The following GGA1 variants were observed in gnomAD, a reference collection of about 807,000 sequenced individuals.
GGA1 encodes golgi associated, gamma adaptin ear containing, ARF binding protein 1.
Under a neutral mutation model 76.9 loss-of-function variants are expected in GGA1, and 18 were observed. The observed-to-expected ratio is 0.23, with a 90% confidence interval of 0.16 to 0.35. The LOEUF is 0.35. GGA1 is among the 10% of genes least tolerant of loss of function. The probability of loss-of-function intolerance (pLI) is 1.00; values close to 1 mark genes in which losing one functional copy is unlikely to be tolerated. For missense variants in GGA1, 755 were observed against 859.0 expected, an observed-to-expected ratio of 0.88 and a Z score of 1.51; for synonymous variants, 342 against 354.7, an observed-to-expected ratio of 0.96 and a Z score of 0.40.
intron 3 of GGA1, 83 bp from the exon 4 acceptor site, chr22:37,618,365 C>T (rs948025856): frequency 2.6e-6 from 2 of 768,328 alleles, no homozygotes; most frequent in Middle Eastern, 2.8e-4. Flanking sequence ...CCATGGGCTT[C>T]TGGCCCCTGT....
Position 37,632,183 on chromosome 22 carries a change from C to T in GGA1, c.1698+18C>T. On this transcript the variant is annotated intron_variant, in intron 15 of 16. Coordinates refer to ENST00000343632, the MANE Select transcript of GGA1 (RefSeq NM_013365.5). This position sits in a 1 kb window ranked among gnomAD's most constrained non-coding sequence, Gnocchi z 5.1. ...TCCCCAAGGTGACAAGCCAGTCGGA[C>T]AGGGCATGCCTCCCTCCTCTCAAGG... The T allele has an allele frequency of 6.3e-7, 1 of 1,596,194 alleles. No individual in the cohort carries two copies. The highest frequency in any genetic ancestry group is 1.3e-5 in the African/African-American group (1 of 74,792).
intron 4 of GGA1, 56 bp downstream of exon 4, chr22:37,618,602 G>T: frequency 9.1e-7 from 1 of 1,093,118 alleles, no homozygotes; most frequent in Non-Finnish European, 1.4e-6. Flanking sequence ...GGAGAGGAAA[G>T]AGGACCTTCA....
chr22:37,619,016 G>A (rs1023785464), intron 4 of GGA1, among the ~76,000 whole-genome samples: 1 of 152,150 alleles, frequency 6.6e-6, no homozygotes, highest in Admixed American at 6.5e-5. Flanking sequence ...GCTCCAGACG[G>A]GCCATCCCCG....
rs758099937 is a variant in GGA1, at chr22:37,620,330, C to T, written c.396C>T (p.Ile132=). ...WTVGLPEEVK[I]AEAYQMLKKQ... ...TGGGCCTGCCCGAGGAGGTGAAAAT[C>T]GCAGAGGCCTACCAGATGCTAAAGA... The change falls in exon 5 of 17, where the codon ATC becomes ATT. Residue 132 remains isoleucine (I), a synonymous_variant. Transcript: ENST00000343632. The T allele has an allele frequency of 1.2e-5, 20 of 1,613,830 alleles. No individual in the cohort carries two copies. The highest frequency in any genetic ancestry group is 2.2e-5 in the South Asian group (2 of 91,084).
intron 1 of GGA1, among the ~76,000 whole-genome samples, chr22:37,609,764 C>G (rs1488992383): frequency 1.3e-5 from 2 of 152,194 alleles, no homozygotes; most frequent in East Asian, 3.8e-4. Context: ...GCTGGCTTCT[C>G]CCTGGTCTAG....
intron 3 of GGA1, chr22:37,617,430 AG>A (rs1362415570): frequency 9.5e-6 from 10 of 1,047,740 alleles, no homozygotes; most frequent in Non-Finnish European, 1.1e-5. Flanking sequence ...GTTCAATAGC[AG>A]AGGAGAGAGG....
In GGA1 at chr22:37,632,271, G is replaced by T; in HGVS notation, c.1698+106G>T. On this transcript the variant is annotated intron_variant, in intron 15 of 16. Coordinates refer to ENST00000343632, the MANE Select transcript of GGA1 (RefSeq NM_013365.5). This position sits in a 1 kb window ranked among gnomAD's most constrained non-coding sequence, Gnocchi z 5.1. The stretch of plus-strand genomic sequence containing the variant: ...GGGGGCAGGTCTCCCTCCCTTGCTG[G>T]GTGGTTGGTGTAGAAGGGACCAGAA... 7.5e-7 allele frequency: 1 copy of T among 1,335,130 alleles called. No individual in the cohort carries two copies. The highest frequency in any genetic ancestry group is 1.4e-5 in the African/African-American group (1 of 69,646). 82.7% of individuals were successfully genotyped at this position (1,335,130 alleles called of 1,614,324 possible). A position where few individuals can be genotyped will look rare whatever the true frequency, so the allele number is the denominator to read the frequency against.
At position 37,625,946 on chromosome 22, in the gene GGA1, C is replaced by T. The variant is rs1169828129; in HGVS notation, c.1090C>T (p.Leu364=). 6.3e-7 allele frequency: 1 copy of T among 1,591,814 alleles called. No homozygotes were observed. Among genetic ancestry groups the T allele is most frequent in the Non-Finnish European group, 8.5e-7 (1 of 1,170,270 alleles). The part of the protein sequence containing the change: ...VSLLDDELMS[L]GLSDPTPPSG... ...CCTGCTTGACGACGAGCTCATGTCT[C>T]TGGGTGAGGAAGGGGCCAGGCCTGG... The change falls in exon 11 of 17, where the codon CTG becomes TTG. Residue 364 remains leucine, a synonymous_variant. Coordinates refer to ENST00000343632, the MANE Select transcript of GGA1 (RefSeq NM_013365.5). This position sits in a 1 kb window ranked among gnomAD's most constrained non-coding sequence, Gnocchi z 4.1.
In GGA1 at chr22:37,623,712, A is replaced by G; in HGVS notation, c.832+79A>G. ...GCCCCCACCTCCCCCAGGCCCTGCT[A>G]AGTATCTGCAGTTGGAAGGAGCCAC... On this transcript the variant is annotated intron_variant, in intron 9 of 16. Coordinates refer to ENST00000343632, the MANE Select transcript of GGA1 (RefSeq NM_013365.5). This position sits in a 1 kb window ranked among gnomAD's most constrained non-coding sequence, Gnocchi z 4.6. The G allele has an allele frequency of 2.0e-6, 2 of 1,009,418 alleles. No homozygotes were observed. Among genetic ancestry groups the G allele is most frequent in the South Asian group, 1.4e-5 (1 of 69,644 alleles). 62.5% of individuals were successfully genotyped at this position (1,009,418 alleles called of 1,614,324 possible). A position where few individuals can be genotyped will look rare whatever the true frequency, so the allele number is the denominator to read the frequency against.
chr22:37,616,240 G>A (rs1298718028), intron 2 of GGA1, among the ~76,000 whole-genome samples: 1 of 152,174 alleles, frequency 6.6e-6, no homozygotes, highest in East Asian at 1.9e-4. Context: ...TTGGGTACGA[G>A]TCCTGTCCCC....
In GGA1 at chr22:37,632,075, G is replaced by A. The variant is rs1033807612; in HGVS notation, c.1608G>A (p.Gly536=). The change falls in exon 15 of 17, where the codon GGG becomes GGA. Residue 536 remains glycine (G), a synonymous_variant. Coordinates refer to ENST00000343632, the MANE Select transcript of GGA1 (RefSeq NM_013365.5). This position sits in a 1 kb window ranked among gnomAD's most constrained non-coding sequence, Gnocchi z 5.1. ...ATTTTGCCCGGGACCCACTGCCAGG[G>A]CGCTCCGACGTGCTGGTGGTGGTGG... ...LFHFARDPLP[G]RSDVLVVVVS... 6.2e-7 allele frequency: 1 copy of A among 1,613,740 alleles called. No homozygotes were observed. Among genetic ancestry groups the A allele is most frequent in the East Asian group, 2.2e-5 (1 of 44,874 alleles).
Position 37,632,080 on chromosome 22 carries a change from C to G in GGA1, c.1613C>G (p.Ser538Cys). Residue 538 changes from serine to cysteine, a missense_variant, in exon 15 of 17, where the codon TCC becomes TGC. Physicochemically the swap from Ser to Cys is moderately radical, Grantham distance 112. Coordinates refer to ENST00000343632, the MANE Select transcript of GGA1 (RefSeq NM_013365.5). This position sits in a 1 kb window ranked among gnomAD's most constrained non-coding sequence, Gnocchi z 5.1. ...GCCCGGGACCCACTGCCAGGGCGCT[C>G]CGACGTGCTGGTGGTGGTGGTTTCC... ...HFARDPLPGR[S>C]DVLVVVVSML... 1 of 1,613,758 alleles carries G rather than the reference C, an allele frequency of 6.2e-7. No homozygotes were observed.
At chr22:37,612,990 C>T in intron 1 of GGA1, 1 of 985,432 alleles carries the variant, frequency 1.0e-6, no homozygotes, top group Non-Finnish European at 1.2e-6. Context: ...CACCCTTTGC[C>T]TGCCCTCAGC....
intron 7 of GGA1, 78 bp downstream of exon 7, chr22:37,621,774 A>C: frequency 2.2e-6 from 2 of 915,704 alleles, no homozygotes; most frequent in East Asian, 5.4e-5. Flanking sequence ...GGCTGTATGC[A>C]TCTTCACATG....
chr22:37,626,582 A>T (rs1356790267), intron 11 of GGA1: 1 of 152,270 alleles, frequency 6.6e-6, no homozygotes, highest in Admixed American at 6.6e-5. Flanking sequence ...CCTGAGAGCC[A>T]CTGAAGGGAT....
chr22:37,611,632 G>T (rs889594105), intron 1 of GGA1, among the ~76,000 whole-genome samples: 1 of 152,168 alleles, frequency 6.6e-6, no homozygotes, highest in Non-Finnish European at 1.5e-5. Context: ...ATAACATATG[G>T]CCCAGGGCAG....
Position 37,625,458 on chromosome 22 carries a change from TG to T in GGA1, c.941-333del, listed in dbSNP as rs532166783. ...TCTAATAAGGGTAAGATGGCAGCCTTGGGGGGTCACAAAAGGGGTTAGAATT... is the reference window on the plus strand; with the variant it reads ...TCTAATAAGGGTAAGATGGCAGCCTTGGGGGTCACAAAAGGGGTTAGAATT... On this transcript the variant is annotated intron_variant, in intron 10 of 16. Coordinates refer to ENST00000343632, the MANE Select transcript of GGA1 (RefSeq NM_013365.5). The surrounding 1 kb of genome is among the most constrained non-coding windows in gnomAD (Gnocchi z 4.1). 6.6e-6 allele frequency among the ~76,000 whole-genome samples: 1 copy of T among 151,782 alleles called. No homozygotes were observed. The highest frequency in any genetic ancestry group is 6.6e-5 in the Admixed American group (1 of 15,252).
In GGA1 at chr22:37,632,563, C is replaced by T; in HGVS notation, c.1810-38C>T. ...TGCAGGGTGGGGACGGCCACTTCTC[C>T]TCCTCTGACCCCTCTGCCTTTGCCA... On this transcript the variant is annotated intron_variant, in intron 16 of 16. Coordinates refer to ENST00000343632, the MANE Select transcript of GGA1 (RefSeq NM_013365.5). This position sits in a 1 kb window ranked among gnomAD's most constrained non-coding sequence, Gnocchi z 5.1. 1 of 1,583,854 alleles carries T rather than the reference C, an allele frequency of 6.3e-7. No homozygotes were observed. The highest frequency in any genetic ancestry group is 1.7e-5 in the Admixed American group (1 of 59,930).
chr22:37,630,050 TG>T lies in GGA1; in HGVS notation c.1213del (p.Glu405LysfsTer19). On this transcript the variant is annotated frameshift_variant, in exon 13 of 17. Transcript: ENST00000343632. LOFTEE classifies it high-confidence loss of function. ...PAPALAQAPS[M>X]ESRPPAQTSL... ...CCTGCTCTGGCCCAGGCCCCCAGTA[TG>T]GAAAGCCGACCCCCAGCGCAGACAT... 6.2e-7 allele frequency: 1 copy of T among 1,605,122 alleles called. No homozygotes were observed. The highest frequency in any genetic ancestry group is 2.3e-5 in the East Asian group (1 of 44,216).
Sources: gnomAD v4.1 joint callset for allele counts (sites outside exome capture counted in the v4.1 genomes callset) on GRCh38, gnomAD v4.1.1 for gene constraint, Gnocchi (gnomAD v3.1) non-coding constraint, MANE v1.5 for transcripts, NCBI Gene and HGNC (gene_info 2026-07-23, HGNC 2026-07-21) for gene names.